Variants in GNRHR observed in about 807,000 individuals in gnomAD.
The protein encoded by GNRHR is gonadotropin-releasing hormone receptor.
GNRHR carries 14 observed loss-of-function variants against 28.1 expected under a neutral mutation model. The ratio of observed to expected loss-of-function variants is 0.50; its 90% CI spans 0.33 to 0.78. The LOEUF is 0.78. GNRHR is among the 30% of genes least tolerant of loss of function. GNRHR has a pLI of 0.02. For synonymous variants in GNRHR, 141 were observed against 140.5 expected (o/e 1.00, Z -0.02); for missense variants, 366 against 382.1 (o/e 0.96, Z 0.35).
intron 1 of GNRHR, among the ~76,000 whole-genome samples, chr4:67,746,729 A>T (rs1245269413): frequency 1.3e-5 from 2 of 150,148 alleles, no homozygotes; most frequent in African/African-American, 4.9e-5. Flanking sequence ...TAAATATTTT[A>T]AAAATACTTC....
At position 67,753,757 on chromosome 4, in the gene GNRHR, T is replaced by C. The variant is rs1304230346; in HGVS notation, c.522+57A>G. On this transcript the variant is annotated intron_variant, in intron 1 of 2. Transcript: ENST00000226413. ...TCCTTTGATAAGACCTTATATCAAA[T>C]TTAGATAGGAAATCTATGATCACCA... is the stretch of plus-strand genomic sequence containing the variant. The C allele has an allele frequency of 7.0e-6, 10 of 1,429,978 alleles. No individual in the cohort carries two copies. The East Asian group carries it at 2.1e-4, about 30-fold the overall frequency. The allele number at this position is 1,429,978 out of a possible 1,614,324, so 88.6% of individuals were successfully genotyped here. A position where few individuals can be genotyped will look rare whatever the true frequency, so the allele number is the denominator to read the frequency against.
Position 67,744,700 on chromosome 4 carries a change from G to T in GNRHR, c.610C>A (p.Gln204Lys), listed in dbSNP as rs1450820532. 6.2e-7 allele frequency: 1 copy of T among 1,611,448 alleles called. No homozygotes were observed. Among genetic ancestry groups the T allele is most frequent in the East Asian group, 2.2e-5 (1 of 44,862 alleles). The part of the protein sequence containing the change: ...SQCVTHCSFS[Q>K]WWHQAFYNFF... ...TTATAAAATGCTTGATGCCACCATT[G>T]TGAAAAACTGCAGTGTGTTACACAT... The change falls in exon 2 of 3, where the codon CAA becomes AAA. Residue 204 changes from glutamine to lysine, a missense_variant. Coordinates refer to ENST00000226413, the MANE Select transcript of GNRHR (RefSeq NM_000406.3).
chr4:67,744,426 A>G (rs1731717577), intron 2 of GNRHR, 142 bp downstream of exon 2: 1 of 674,458 alleles, frequency 1.5e-6, no homozygotes, highest in African/African-American at 1.8e-5. Context: ...ATATTACCTT[A>G]TGGGGTGATT....
intron 1 of GNRHR, 77 bp from the exon 2 acceptor site, chr4:67,744,864 C>A: frequency 1.2e-6 from 1 of 827,642 alleles, no homozygotes; most frequent in Non-Finnish European, 2.1e-6. Context: ...ACTCTGCTAG[C>A]CTTCTAACAT....
chr4:67,740,380 T>C lies in GNRHR; in HGVS notation c.*100A>G. ...TAACTTAAGTGTAAATCCTACTTTG[T>C]TTGTATGTAAACATGCTCCAACATT... On this transcript the variant is annotated 3_prime_UTR_variant, in exon 3 of 3. Coordinates refer to ENST00000226413, the MANE Select transcript of GNRHR (RefSeq NM_000406.3). The C allele has an allele frequency of 1.1e-6, 1 of 897,114 alleles. No individual in the cohort carries two copies. The highest frequency in any genetic ancestry group is 1.8e-6 in the Non-Finnish European group (1 of 541,030). The allele number at this position is 897,114 out of a possible 1,614,324, so 55.6% of individuals were successfully genotyped here. A position where few individuals can be genotyped will look rare whatever the true frequency, so the allele number is the denominator to read the frequency against.
Position 67,740,385 on chromosome 4 carries a change from A to G in GNRHR, c.*95T>C, listed in dbSNP as rs368629073. The stretch of plus-strand genomic sequence containing the variant: ...TAAGTGTAAATCCTACTTTGTTTGT[A>G]TGTAAACATGCTCCAACATTTGTGT... On this transcript the variant is annotated 3_prime_UTR_variant, in exon 3 of 3. Coordinates refer to ENST00000226413, the MANE Select transcript of GNRHR (RefSeq NM_000406.3). The G allele has an allele frequency of 6.7e-5, 63 of 939,576 alleles. No individual in the cohort carries two copies. Among genetic ancestry groups the G allele is most frequent in the East Asian group, 6.2e-4 (26 of 41,798 alleles). 58.2% of individuals were successfully genotyped at this position (939,576 alleles called of 1,614,324 possible).
intron 1 of GNRHR, among the ~76,000 whole-genome samples, chr4:67,747,671 C>T (rs1455862260): frequency 6.6e-6 from 1 of 152,000 alleles, no homozygotes; most frequent in Non-Finnish European, 1.5e-5. Context: ...GACTTTGAAA[C>T]ATAGTACTAT....
intron 1 of GNRHR, among the ~76,000 whole-genome samples, chr4:67,752,416 C>T (rs1408681604): frequency 6.6e-6 from 1 of 151,560 alleles, no homozygotes; most frequent in Non-Finnish European, 1.5e-5. Context: ...TGATATGGGG[C>T]CTCCCTATAT....
rs1731914828 is a variant in GNRHR at position 67,753,848 on chromosome 4, G to T, written c.488C>A (p.Ala163Asp). The T allele has an allele frequency of 1.9e-6, 3 of 1,613,462 alleles. No individual in the cohort carries two copies. The highest frequency in any genetic ancestry group is 1.3e-5 in the African/African-American group (1 of 74,902). Residue 163 changes from alanine (A) to aspartate (D), a missense_variant, in exon 1 of 3, where the codon GCC (alanine) becomes GAC (aspartate). Ala to Asp is a moderately radical substitution (Grantham distance 126). Transcript: ENST00000226413. ...TGCAAAGACACTACTGAGGATCCAG[G>T]CCAGGCCAACCATGGACTGTCCGAC... ...SKVGQSMVGL[A>D]WILSSVFAGP...
At position 67,747,950 on chromosome 4, in the gene GNRHR, C is replaced by T. The variant is rs144640265; in HGVS notation, c.523-3163G>A. Among the ~76,000 whole-genome samples, 117 of 151,854 alleles carry T rather than the reference C, an allele frequency of 7.7e-4. 1 individual carries two copies. The highest frequency in any genetic ancestry group is 4.1e-3 in the East Asian group (21 of 5,172). On this transcript the variant is annotated intron_variant, in intron 1 of 2. Coordinates refer to ENST00000226413, the MANE Select transcript of GNRHR (RefSeq NM_000406.3). ...AATTAACTTGCTATTGTCTTAGTTC[C>T]GTTTATTTTGTGCTCCAAGGCCATG... is the stretch of plus-strand genomic sequence containing the variant.
chr4:67,753,747 T>G, intron 1 of GNRHR, 67 bp downstream of exon 1: 1 of 1,322,254 alleles, frequency 7.6e-7, no homozygotes, highest in Non-Finnish European at 1.1e-6. Flanking sequence ...TGATAAGACC[T>G]TATATCAAAT....
chr4:67,749,245 C>G (rs1029770996), intron 1 of GNRHR, among the ~76,000 whole-genome samples: 1 of 152,092 alleles, frequency 6.6e-6, no homozygotes, highest in African/African-American at 2.4e-5. Context: ...TAAGGCAAGC[C>G]TCCACACATC....
intron 2 of GNRHR, among the ~76,000 whole-genome samples, chr4:67,742,714 T>A (rs920483001): frequency 2.0e-5 from 3 of 152,036 alleles, no homozygotes; most frequent in African/African-American, 7.2e-5. Flanking sequence ...CACACTATAT[T>A]TTTTTTGAGG....
chr4:67,745,505 C>G (rs1443273732), intron 1 of GNRHR, among the ~76,000 whole-genome samples: 4 of 151,826 alleles, frequency 2.6e-5, no homozygotes, highest in Non-Finnish European at 5.9e-5. Context: ...ATGTAGAATG[C>G]CAACTAATAA....
In GNRHR at chr4:67,745,900, T is replaced by G. The variant is rs1410534000; in HGVS notation, c.523-1113A>C. Among the ~76,000 whole-genome samples, 7 of 151,972 alleles carry G rather than the reference T, an allele frequency of 4.6e-5. No homozygotes were observed. The East Asian group carries it at 1.3e-3, about 29-fold the overall frequency. On this transcript the variant is annotated intron_variant, in intron 1 of 2. Transcript: ENST00000226413. ...ATTTTACAAAATGACTGGTCTGCAC[T>G]CTCCAAAAATGTCAATATCATGAAA...
intron 1 of GNRHR, among the ~76,000 whole-genome samples, chr4:67,750,071 G>A (rs1007314028): frequency 3.3e-5 from 5 of 152,094 alleles, no homozygotes; most frequent in African/African-American, 1.2e-4. Context: ...AAGGTGTAAA[G>A]TCTTAGATGA....
In GNRHR at chr4:67,739,524, T is replaced by A; in HGVS notation, c.*956A>T. On this transcript the variant is annotated 3_prime_UTR_variant, in exon 3 of 3. Transcript: ENST00000226413. ...CTGTAGTTTTCTCTCCAGAGTTCCT[T>A]TTGTGTATCAAGCATCTTTTTGCTT... The A allele has an allele frequency of 6.6e-6, 1 of 152,072 alleles. No individual in the cohort carries two copies. Among genetic ancestry groups the A allele is most frequent in the Non-Finnish European group, 1.5e-5 (1 of 67,930 alleles). The allele number at this position is 152,072 out of a possible 1,614,324, so 9.4% of individuals were successfully genotyped here. A position where few individuals can be genotyped will look rare whatever the true frequency, so the allele number is the denominator to read the frequency against.
chr4:67,741,315 C>G (rs891632773), intron 2 of GNRHR, among the ~76,000 whole-genome samples: 3 of 152,066 alleles, frequency 2.0e-5, no homozygotes, highest in Non-Finnish European at 4.4e-5. Flanking sequence ...TTTTCTATTC[C>G]TGAGTTACTT....
In GNRHR at chr4:67,738,362, A is replaced by T. The variant is rs1731589273; in HGVS notation, c.*2118T>A. 6.6e-6 allele frequency among the ~76,000 whole-genome samples: 1 copy of T among 151,816 alleles called. No individual in the cohort carries two copies. Among genetic ancestry groups the T allele is most frequent in the South Asian group, 2.1e-4 (1 of 4,824 alleles). On this transcript the variant is annotated 3_prime_UTR_variant, in exon 3 of 3. Coordinates refer to ENST00000226413, the MANE Select transcript of GNRHR (RefSeq NM_000406.3). Reference sequence around the variant, plus strand: ...AATACAAATAGGACTAAAATAAAAAATACATTGAAATATATATATTTTTTG... The same window carrying T: ...AATACAAATAGGACTAAAATAAAAATTACATTGAAATATATATATTTTTTG...
Sources: gnomAD v4.1 joint callset for allele counts (sites outside exome capture counted in the v4.1 genomes callset) on GRCh38, gnomAD v4.1.1 for gene constraint, MANE v1.5 for transcripts, NCBI Gene and HGNC (gene_info 2026-07-23, HGNC 2026-07-21) for gene names.